Variants in EYS observed in about 807,000 individuals in gnomAD.
EYS encodes the protein EGF-like photoreceptor maintenance factor, also known as protein eyes shut homolog.
In EYS, 250 loss-of-function variants were observed where a neutral mutation model predicts 282.1. The observed-to-expected ratio is 0.89, with a 90% CI of 0.80 to 0.98. The LOEUF (loss-of-function observed/expected upper bound fraction) is 0.98, where lower values mean the gene tolerates loss of function less well. Among genes scored for constraint, EYS ranks in the 50% least tolerant of loss-of-function variants. EYS has a pLI of 0.00. For synonymous variants in EYS, 1,355 were observed against 1,282.9 expected (o/e 1.06, Z -1.20); for missense variants, 4,016 against 3,709.0 (o/e 1.08, Z -2.15).
chr6:64,316,476 G>C (rs1231299644), intron 29 of EYS, among the ~76,000 whole-genome samples: 1 of 152,002 alleles, frequency 6.6e-6, no homozygotes, highest in Non-Finnish European at 1.5e-5. Flanking sequence ...GCTACAAAGA[G>C]AATAAAATAC....
intron 24 of EYS, among the ~76,000 whole-genome samples, chr6:64,604,175 C>T (rs1053970988): frequency 2.9e-4 from 44 of 151,880 alleles, no homozygotes; most frequent in African/African-American, 8.5e-4. Context: ...GACACTGCAA[C>T]GTAACATTGT....
At chr6:64,409,309 C>A (rs1234877244) in intron 28 of EYS, among the ~76,000 whole-genome samples, 1 of 152,118 alleles carries the variant, frequency 6.6e-6, no homozygotes. Context: ...TAGGTATATA[C>A]CCAGCAATGG....
At chr6:64,385,130 T>G (rs781208721) in intron 29 of EYS, among the ~76,000 whole-genome samples, 3 of 152,202 alleles carry the variant, frequency 2.0e-5, no homozygotes, top group Non-Finnish European at 2.9e-5. Context: ...AGAGCCTGCA[T>G]GATACTTAGA....
chr6:63,806,818 A>G (rs1301228035), intron 36 of EYS: 1 of 152,578 alleles, frequency 6.6e-6, no homozygotes, highest in African/African-American at 2.4e-5. Flanking sequence ...TATCTGAGCC[A>G]AAGCCCCAGG....
intron 34 of EYS, among the ~76,000 whole-genome samples, chr6:63,998,807 T>TA (rs199887464): frequency 2.7e-5 from 4 of 150,154 alleles, no homozygotes; most frequent in Non-Finnish European, 3.0e-5. Context: ...TTTTTTTTTT[T>TA]AAAGTCAAGC....
At chr6:64,489,908 T>C (rs1011611514) in intron 26 of EYS, among the ~76,000 whole-genome samples, 2 of 150,812 alleles carry the variant, frequency 1.3e-5, no homozygotes, top group African/African-American at 4.8e-5. Flanking sequence ...AGAGGACACA[T>C]GCTTCATGAA....
At chr6:64,631,575 T>G (rs976990335) in intron 22 of EYS, 10 of 152,164 alleles carry the variant, frequency 6.6e-5, no homozygotes, top group Non-Finnish European at 1.3e-4. Flanking sequence ...TTTTCTTCAC[T>G]TGTTTCTGTT....
chr6:64,403,689 A>G (rs1773613064), intron 28 of EYS, among the ~76,000 whole-genome samples: 1 of 152,110 alleles, frequency 6.6e-6, no homozygotes, highest in Admixed American at 6.6e-5. Context: ...TTTGCTAGAT[A>G]CTTTTCTTCC....
chr6:65,463,217 T>C (rs182058547), intron 5 of EYS, among the ~76,000 whole-genome samples: 86 of 152,226 alleles, frequency 5.6e-4, no homozygotes, highest in African/African-American at 2.0e-3. Context: ...TTCTCTGTTA[T>C]TACCACTCTT....
intron 8 of EYS, among the ~76,000 whole-genome samples, chr6:65,359,266 A>G (rs1375178929): frequency 6.6e-6 from 1 of 152,076 alleles, no homozygotes; most frequent in Non-Finnish European, 1.5e-5. Context: ...TTGCAGTATC[A>G]AAGTTTTGTG....
At chr6:64,604,518 G>A (rs1256064191) in intron 24 of EYS, among the ~76,000 whole-genome samples, 1 of 151,854 alleles carries the variant, frequency 6.6e-6, no homozygotes, top group Non-Finnish European at 1.5e-5. Flanking sequence ...AGTTTTATGG[G>A]GTGACAACAA....
chr6:64,102,510 T>C (rs75225937), intron 31 of EYS, among the ~76,000 whole-genome samples: 1 of 152,314 alleles, frequency 6.6e-6, no homozygotes, highest in East Asian at 1.9e-4. Flanking sequence ...CAGAAAATCT[T>C]GATTATATCA....
chr6:64,709,700 G>A (rs1771143817), intron 22 of EYS, among the ~76,000 whole-genome samples: 1 of 152,212 alleles, frequency 6.6e-6, no homozygotes, highest in Non-Finnish European at 1.5e-5. Context: ...GGAGCTAGAT[G>A]CCACATATGA....
intron 26 of EYS, among the ~76,000 whole-genome samples, chr6:64,491,961 AATC>A (rs1362287640): frequency 2.0e-5 from 3 of 151,218 alleles, no homozygotes; most frequent in African/African-American, 7.3e-5. Context: ...AAGAGATTTT[AATC>A]ATAGAACTTC....
At chr6:65,442,855 T>C (rs1768399303) in intron 5 of EYS, among the ~76,000 whole-genome samples, 1 of 136,410 alleles carries the variant, frequency 7.3e-6, no homozygotes, top group African/African-American at 2.5e-5. Flanking sequence ...CACATACATA[T>C]GTACATATAT....
rs114562264 is a variant in EYS, at chr6:63,910,525, G to C, written c.7056-46167C>G. ...AAACATGTCTGCCAAATGGCCCCTAGTTGTCTTTTCCTTTGGTTCAATGCT... is the reference window on the plus strand; with the variant it reads ...AAACATGTCTGCCAAATGGCCCCTACTTGTCTTTTCCTTTGGTTCAATGCT... On this transcript the variant is annotated intron_variant, in intron 35 of 42. Transcript: ENST00000503581. 7.6e-3 allele frequency among the ~76,000 whole-genome samples: 1,161 copies of C among 152,286 alleles called. 18 individuals carry two copies. Among genetic ancestry groups the C allele is most frequent in the African/African-American group, 0.025 (1,041 of 41,552 alleles).
chr6:65,503,312 CTTTG>C (rs1766527346), intron 2 of EYS, among the ~76,000 whole-genome samples: 1 of 151,394 alleles, frequency 6.6e-6, no homozygotes, highest in Admixed American at 6.6e-5. Context: ...TTAATTAGTT[CTTTG>C]TTTTATTATT....
chr6:64,349,231 C>A lies in EYS; in HGVS notation c.6078+39459G>T, dbSNP rs374768705. On this transcript the variant is annotated intron_variant, in intron 29 of 42. Transcript: ENST00000503581. ...TCAACTAAATAATAAAATGTGTAAG[C>A]AATGTCATTATCTTGCTATCCGTAT... Among the ~76,000 whole-genome samples the A allele has an allele frequency of 5.3e-5, 8 of 151,170 alleles. No homozygotes were observed. In the East Asian group the frequency reaches 1.2e-3, roughly 22 times the overall value.
intron 29 of EYS, among the ~76,000 whole-genome samples, chr6:64,319,382 A>G (rs1462554046): frequency 3.3e-5 from 5 of 151,898 alleles, no homozygotes; most frequent in Non-Finnish European, 7.4e-5. Context: ...TAGCAATACC[A>G]ATTGATTAAA....
Sources: allele counts gnomAD v4.1 joint callset (sites outside exome capture counted in the v4.1 genomes callset), GRCh38; gene constraint gnomAD v4.1.1; transcripts MANE v1.5; gene names NCBI Gene and HGNC (gene_info 2026-07-23, HGNC 2026-07-21).